Variants in DLC1 observed in about 807,000 individuals in gnomAD.
DLC1 encodes the protein DLC1 Rho GTPase activating protein.
A neutral mutation model predicts 140.3 loss-of-function variants in DLC1; 54 were observed. The observed-to-expected ratio is 0.38, with a 90% CI of 0.31 to 0.48. The LOEUF is 0.48. DLC1 is among the 20% of genes least tolerant of loss of function. The pLI is 0.96. For synonymous variants in DLC1, 986 were observed against 728.1 expected (o/e 1.35, Z -5.70); for missense variants, 2,536 against 1,907.0 (o/e 1.33, Z -6.14).
chr8:13,488,884 G>T (rs1360787336), intron 2 of DLC1, among the ~76,000 whole-genome samples: 1 of 152,158 alleles, frequency 6.6e-6, no homozygotes, highest in Non-Finnish European at 1.5e-5. Context: ...CAAAGTGCAT[G>T]GGAAAGAGAA....
At chr8:13,377,516 A>C (rs1385895937) in intron 4 of DLC1, among the ~76,000 whole-genome samples, 1 of 152,206 alleles carries the variant, frequency 6.6e-6, no homozygotes, top group Non-Finnish European at 1.5e-5. Context: ...AGTTTGTAGA[A>C]ATGAAAACAG....
At chr8:13,484,842 A>G (rs193028093) in intron 2 of DLC1, among the ~76,000 whole-genome samples, 15 of 152,028 alleles carry the variant, frequency 9.9e-5, no homozygotes, top group Non-Finnish European at 7.4e-5. Context: ...CCTACTGACC[A>G]TGACAGGGAT....
intron 2 of DLC1, among the ~76,000 whole-genome samples, chr8:13,451,480 A>G (rs2116971899): frequency 6.6e-6 from 1 of 152,120 alleles, no homozygotes; most frequent in East Asian, 1.9e-4. Flanking sequence ...TCTATTTTTT[A>G]TACTCCTTAA....
Position 13,105,696 on chromosome 8 carries a change from G to C in DLC1, c.1503-2843C>G, listed in dbSNP as rs376582363. The stretch of plus-strand genomic sequence containing the variant: ...CGTTTCAAGCAATTCTCATGCCTCA[G>C]CCTCCTGAGCAGCTGGGACTACAGG... On this transcript the variant is annotated intron_variant, in intron 7 of 17. Coordinates refer to ENST00000276297, the MANE Select transcript of DLC1 (RefSeq NM_182643.3). Among the ~76,000 whole-genome samples, 11 of 151,178 alleles carry C rather than the reference G, an allele frequency of 7.3e-5. No individual in the cohort carries two copies. The East Asian group carries it at 9.8e-4, about 13-fold the overall frequency.
intron 8 of DLC1, among the ~76,000 whole-genome samples, chr8:13,102,109 TG>T (rs1819142905): frequency 6.6e-6 from 1 of 152,228 alleles, no homozygotes; most frequent in African/African-American, 2.4e-5. Flanking sequence ...AATTAAAATT[TG>T]AACCCGGAAG....
chr8:13,383,096 A>G (rs1243431171), intron 4 of DLC1, among the ~76,000 whole-genome samples: 2 of 152,250 alleles, frequency 1.3e-5, no homozygotes, highest in South Asian at 2.1e-4. Context: ...ATGAGAAATC[A>G]TCTCACTTGC....
intron 1 of DLC1, among the ~76,000 whole-genome samples, chr8:13,603,653 C>T (rs1259964244): frequency 6.6e-6 from 1 of 151,922 alleles, no homozygotes; most frequent in African/African-American, 2.4e-5. Context: ...AGACCCTTGC[C>T]CTGTTAGGAA....
intron 2 of DLC1, among the ~76,000 whole-genome samples, chr8:13,422,508 G>C (rs117272154): frequency 0.026 from 3,965 of 151,964 alleles, 79 homozygotes; most frequent in South Asian, 0.075. Flanking sequence ...CTGGAGAGAA[G>C]GTTAAAACAT....
chr8:13,518,403 C>A (rs7844216), upstream of DLC1, among the ~76,000 whole-genome samples: 3 of 152,172 alleles, frequency 2.0e-5, no homozygotes, highest in South Asian at 2.1e-4. Flanking sequence ...GCCACTGTGC[C>A]TGGCCTAAAG....
At chr8:13,547,025 C>T (rs1803675288) in intron 1 of DLC1, among the ~76,000 whole-genome samples, 1 of 151,896 alleles carries the variant, frequency 6.6e-6, no homozygotes, top group Admixed American at 6.6e-5. Flanking sequence ...ATATAAAATT[C>T]CTGAAAATAT....
chr8:13,578,739 G>A (rs150952424), intron 1 of DLC1, among the ~76,000 whole-genome samples: 62 of 152,214 alleles, frequency 4.1e-4, no homozygotes, highest in African/African-American at 4.8e-4. Flanking sequence ...AAGGTGTGGG[G>A]GAAGGAGTGT....
intron 2 of DLC1, among the ~76,000 whole-genome samples, chr8:13,406,568 A>G (rs551468711): frequency 6.6e-6 from 1 of 152,262 alleles, no homozygotes; most frequent in East Asian, 1.9e-4. Context: ...TGTGGTGCCC[A>G]TGTTCTTTCA....
chr8:13,096,584 C>T (rs1818516010), intron 10 of DLC1, among the ~76,000 whole-genome samples: 1 of 152,098 alleles, frequency 6.6e-6, no homozygotes, highest in Non-Finnish European at 1.5e-5. Context: ...ACGATCCCCA[C>T]CGAGAATCTG....
In DLC1 at chr8:13,095,230, G is replaced by C. The variant is rs1193527976; in HGVS notation, c.3183C>G (p.Phe1061Leu). 2 of 1,614,254 alleles carry C rather than the reference G, an allele frequency of 1.2e-6. No individual in the cohort carries two copies. The highest frequency in any genetic ancestry group is 2.2e-5 in the South Asian group (2 of 91,090). ...AGTCTGGAACCTTGATCCTCTTCAT[G>C]AACTTGGGCACGGCCCTGTTAAAGA... ...KHGFSWAVPK[F>L]MKRIKVPDYK... is the part of the protein sequence containing the mutation. The change falls in exon 11 of 18, where the codon TTC becomes TTG. Residue 1061 changes from phenylalanine (F) to leucine (L), a missense_variant. Phe to Leu is a conservative substitution (Grantham distance 22). Transcript: ENST00000276297.
At chr8:13,519,220 T>C (rs1340967946), upstream of DLC1, among the ~76,000 whole-genome samples, 2 of 144,878 alleles carry the variant, frequency 1.4e-5, no homozygotes, top group East Asian at 4.5e-4. Flanking sequence ...CTCCGCCTCC[T>C]AGGTTCACGC....
intron 4 of DLC1, among the ~76,000 whole-genome samples, chr8:13,314,543 T>C (rs1400090522): frequency 1.3e-5 from 2 of 152,108 alleles, no homozygotes; most frequent in East Asian, 1.9e-4. Context: ...TCAGGTTAAT[T>C]ACTACCAATT....
At chr8:13,277,170 G>A (rs1205211735) in intron 5 of DLC1, among the ~76,000 whole-genome samples, 1 of 152,102 alleles carries the variant, frequency 6.6e-6, no homozygotes, top group East Asian at 1.9e-4. Flanking sequence ...AAATTAGGCG[G>A]GTGTGGTGGC....
At chr8:13,552,242 C>A (rs1245311693) in intron 1 of DLC1, among the ~76,000 whole-genome samples, 1 of 143,002 alleles carries the variant, frequency 7.0e-6, no homozygotes, top group East Asian at 2.1e-4. Context: ...TATATATATA[C>A]CCCCATACCT....
At chr8:13,368,285 AC>A (rs1835582561) in intron 4 of DLC1, among the ~76,000 whole-genome samples, 1 of 144,348 alleles carries the variant, frequency 6.9e-6, no homozygotes, top group Non-Finnish European at 1.6e-5. Flanking sequence ...ATTTTCCATT[AC>A]CAAACTCAAA....
Sources: allele counts gnomAD v4.1 joint callset (sites outside exome capture counted in the v4.1 genomes callset), GRCh38; gene constraint gnomAD v4.1.1; transcripts MANE v1.5; gene names NCBI Gene and HGNC (gene_info 2026-07-23, HGNC 2026-07-21).